Variants in IGF2R observed in about 807,000 individuals in gnomAD.
IGF2R encodes the protein insulin like growth factor 2 receptor, also known as cation-independent mannose-6-phosphate receptor.
In IGF2R, 91 loss-of-function variants were observed where a neutral mutation model predicts 270.6. That is an observed-to-expected ratio of 0.34 (90% CI 0.28 to 0.40). The LOEUF is 0.40. Ranked by LOEUF, IGF2R falls within the 10% of genes least tolerant of loss-of-function variation. The pLI, the probability that IGF2R is intolerant of heterozygous loss-of-function variation, is 1.00. For missense variants in IGF2R, 2,805 were observed against 3,188.3 expected (o/e 0.88, Z 2.90); for synonymous variants, 1,316 against 1,258.9 (o/e 1.05, Z -0.96).
In IGF2R at chr6:160,109,111, A is replaced by G. The variant is rs1207613888; in HGVS notation, c.*4027A>G. ...ACAAATTGAATAAAAAGTAATTGAT[A>G]ATGTTGTTTTGATGCTCAGTGTTTG... On this transcript the variant is annotated 3_prime_UTR_variant, in exon 48 of 48. Transcript: ENST00000356956. 1.3e-5 allele frequency: 2 copies of G among 152,330 alleles called. No individual in the cohort carries two copies. Among genetic ancestry groups the G allele is most frequent in the East Asian group, 3.9e-4 (2 of 5,188 alleles). The allele number at this position is 152,330 out of a possible 1,614,324, so 9.4% of individuals were successfully genotyped here. A position where few individuals can be genotyped will look rare whatever the true frequency, so the allele number is the denominator to read the frequency against.
intron 41 of IGF2R, among the ~76,000 whole-genome samples, 157 bp from the exon 42 acceptor site, chr6:160,087,876 A>G (rs1032183064): frequency 3.9e-4 from 60 of 152,244 alleles, no homozygotes; most frequent in African/African-American, 1.2e-3. Context: ...GGGTTTCACC[A>G]TGTTGGTCAG....
At position 160,058,926 on chromosome 6, in the gene IGF2R, G is replaced by C. The variant is rs1778370163; in HGVS notation, c.2919G>C (p.Met973Ile). ...TGCAGTTTAATGTCTGCGGCACAAT[G>C]CCTGTCTGTGGGACCATCCTGGGAA... ...KIFMFNVCGTMPVCGTILGKP... is the reference protein window; with the variant it reads ...KIFMFNVCGTIPVCGTILGKP... Residue 973 changes from methionine (M) to isoleucine (I), a missense_variant, in exon 22 of 48, where the codon ATG (methionine) becomes ATC (isoleucine). Physicochemically the swap from Met to Ile is conservative, Grantham distance 10 (BLOSUM62 1). Coordinates refer to ENST00000356956, the MANE Select transcript of IGF2R (RefSeq NM_000876.4). 6.2e-7 allele frequency: 1 copy of C among 1,614,166 alleles called. No individual in the cohort carries two copies. The highest frequency in any genetic ancestry group is 1.3e-5 in the African/African-American group (1 of 75,048).
At position 160,047,272 on chromosome 6, in the gene IGF2R, C is replaced by G. The variant is rs140582388; in HGVS notation, c.2165C>G (p.Pro722Arg). 6.2e-7 allele frequency: 1 copy of G among 1,613,090 alleles called. No individual in the cohort carries two copies. Residue 722 changes from proline to arginine, a missense_variant, in exon 16 of 48, where the codon CCG (proline) becomes CGG (arginine). Coordinates refer to ENST00000356956, the MANE Select transcript of IGF2R (RefSeq NM_000876.4). ...GTPYNNERHTPRATLITFLCD... is the reference protein window; with the variant it reads ...GTPYNNERHTRRATLITFLCD... ...CCCTATAACAATGAAAGACACACAC[C>G]GAGAGCTACGCTCATCACCTTTCTC...
rs8191819 is a variant in IGF2R at position 160,050,524 on chromosome 6, G to A, written c.2566G>A (p.Gly856Ser). 345 of 1,614,052 alleles carry A rather than the reference G, an allele frequency of 2.1e-4. 3 individuals carry two copies. In the Admixed American group the frequency reaches 4.8e-3, roughly 22 times the overall value. Residue 856 changes from glycine to serine, a missense_variant, in exon 19 of 48, where the codon GGC becomes AGC. By Grantham distance (56) the Gly-to-Ser change is moderately conservative. Transcript: ENST00000356956. The surrounding 1 kb of genome is among the most constrained non-coding windows in gnomAD (Gnocchi z 4.0). ...CAGTAACTTGGGAATGGCAAAGACC[G>A]GCCCGGTGGTTGAGGACAGCGGCAG... ...SISNLGMAKT[G>S]PVVEDSGSLL...
chr6:159,999,175 A>G (rs1377072240), intron 2 of IGF2R, among the ~76,000 whole-genome samples: 2 of 152,228 alleles, frequency 1.3e-5, no homozygotes, highest in African/African-American at 4.8e-5. Context: ...AGACCCAGGG[A>G]TCATACACCA....
At chr6:160,054,939 C>T (rs1246845097) in intron 19 of IGF2R, among the ~76,000 whole-genome samples, 4 of 152,056 alleles carry the variant, frequency 2.6e-5, no homozygotes, top group African/African-American at 4.8e-5. Context: ...GCCCAGTGGA[C>T]GCTGCGTCAC....
At chr6:160,018,446 A>G (rs1583262631) in intron 4 of IGF2R, among the ~76,000 whole-genome samples, 1 of 152,290 alleles carries the variant, frequency 6.6e-6, no homozygotes, top group South Asian at 2.1e-4. Flanking sequence ...AACACGGCAC[A>G]TAAATTGGAT....
rs1430764889 is a variant in IGF2R, at chr6:160,084,201, TC to T, written c.6068+19del. 2.7e-6 allele frequency: 4 copies of T among 1,494,198 alleles called. No homozygotes were observed. Among genetic ancestry groups the T allele is most frequent in the Non-Finnish European group, 2.8e-6 (3 of 1,070,970 alleles). The allele number at this position is 1,494,198 out of a possible 1,614,324, so 92.6% of individuals were successfully genotyped here. On this transcript the variant is annotated intron_variant, in intron 40 of 47. Coordinates refer to ENST00000356956, the MANE Select transcript of IGF2R (RefSeq NM_000876.4). This position sits in a 1 kb window ranked among gnomAD's most constrained non-coding sequence, Gnocchi z 4.6. ...CGGAGTCTCGTGAGTGCCTTCCCAG[TC>T]CACCCGCGGCGCCACACCCTCAGCA...
At position 160,033,015 on chromosome 6, in the gene IGF2R, C is replaced by A; in HGVS notation, c.1119C>A (p.Phe373Leu). The A allele has an allele frequency of 6.2e-7, 1 of 1,607,582 alleles. No homozygotes were observed. The highest frequency in any genetic ancestry group is 8.5e-7 in the Non-Finnish European group (1 of 1,174,062). The part of the protein sequence containing the change: ...LNVCGETEIQ[F>L]CNKKQAAVCQ... ...TCTGTGGAGAAACTGAAATACAGTT[C>A]TGTAATAAAAAACAAGCTGCAGTTT... Residue 373 changes from phenylalanine (F) to leucine (L), a missense_variant, in exon 9 of 48, where the codon TTC becomes TTA. Physicochemically the swap from Phe to Leu is conservative, Grantham distance 22. Around this residue, in one of 2 missense-constraint regions of IGF2R, gnomAD observed 954 missense variants for 981.1 expected, o/e 0.97. Coordinates refer to ENST00000356956, the MANE Select transcript of IGF2R (RefSeq NM_000876.4).
At position 160,050,288 on chromosome 6, in the gene IGF2R, AGTT is replaced by A. The variant is rs1241781910; in HGVS notation, c.2515-178_2515-176del. On this transcript the variant is annotated intron_variant, in intron 18 of 47. Transcript: ENST00000356956. This position sits in a 1 kb window ranked among gnomAD's most constrained non-coding sequence, Gnocchi z 4.0. The stretch of plus-strand genomic sequence containing the variant: ...ATTGCATGCCTGGAACGCAGCATGC[AGTT>A]GTTGTTAACTCTTTGAGGATGGTTT... Among the ~76,000 whole-genome samples the A allele has an allele frequency of 1.3e-5, 2 of 152,234 alleles. No individual in the cohort carries two copies. Among genetic ancestry groups the A allele is most frequent in the African/African-American group, 2.4e-5 (1 of 41,460 alleles).
chr6:160,031,972 G>A (rs971640515), intron 7 of IGF2R, among the ~76,000 whole-genome samples: 1 of 152,174 alleles, frequency 6.6e-6, no homozygotes, highest in Non-Finnish European at 1.5e-5. Flanking sequence ...CAACACAATG[G>A]CAGAATCGGG....
intron 13 of IGF2R, among the ~76,000 whole-genome samples, chr6:160,045,407 A>G (rs1778046032): frequency 6.6e-6 from 1 of 152,130 alleles, no homozygotes; most frequent in South Asian, 2.1e-4. Flanking sequence ...GTACCATCCT[A>G]ACTGCTTTTA....
At chr6:160,098,514 A>G (rs1779414399) in intron 45 of IGF2R, among the ~76,000 whole-genome samples, 1 of 152,122 alleles carries the variant, frequency 6.6e-6, no homozygotes, top group African/African-American at 2.4e-5. Context: ...TCAGTGTTGT[A>G]CATTGTAGAA....
At chr6:160,104,079 T>TA (rs201023565) in intron 47 of IGF2R, among the ~76,000 whole-genome samples, 101 of 148,206 alleles carry the variant, frequency 6.8e-4, no homozygotes, top group South Asian at 3.0e-3. Flanking sequence ...GGCTGTTCTT[T>TA]AAAAAAAAAA....
intron 12 of IGF2R, 25 bp from the exon 13 acceptor site, chr6:160,044,489 T>C: frequency 6.4e-7 from 1 of 1,565,568 alleles, no homozygotes; most frequent in Non-Finnish European, 8.7e-7. Context: ...CCACATCTTC[T>C]GTTTTCTCCC....
chr6:160,022,447 CAGTG>C (rs1156714006), intron 4 of IGF2R, among the ~76,000 whole-genome samples: 1 of 152,182 alleles, frequency 6.6e-6, no homozygotes, highest in Non-Finnish European at 1.5e-5. Context: ...CCAACTCTAA[CAGTG>C]GGGTTTCTTG....
intron 29 of IGF2R, among the ~76,000 whole-genome samples, chr6:160,065,949 C>T (rs1486757863): frequency 6.7e-6 from 1 of 148,800 alleles, no homozygotes; most frequent in Non-Finnish European, 1.5e-5. Flanking sequence ...AGCAATTCTC[C>T]TGTCTCAGCA....
chr6:160,016,094 A>T (rs1256134755), intron 4 of IGF2R, among the ~76,000 whole-genome samples: 1 of 152,216 alleles, frequency 6.6e-6, no homozygotes, highest in South Asian at 2.1e-4. Flanking sequence ...AACCTAATAC[A>T]GACTGCTTGG....
Position 160,104,688 on chromosome 6 carries a change from A to G in IGF2R, c.7080A>G (p.Glu2360=), listed in dbSNP as rs748615940. The change falls in exon 48 of 48, where the codon GAA becomes GAG. Residue 2360 remains glutamate, a synonymous_variant. Transcript: ENST00000356956. ...ATCCCTGGCAGGTGAATAAGGAAGA[A>G]GAGACAGATGAGAATGAAACAGAGT... is the stretch of plus-strand genomic sequence containing the variant. ...SYKYSKVNKE[E]ETDENETEWL... The G allele has an allele frequency of 6.2e-7, 1 of 1,613,268 alleles. No homozygotes were observed. Among genetic ancestry groups the G allele is most frequent in the South Asian group, 1.1e-5 (1 of 90,968 alleles).
Sources: allele counts gnomAD v4.1 joint callset (sites outside exome capture counted in the v4.1 genomes callset), GRCh38; gene constraint gnomAD v4.1.1; regional missense constraint gnomAD v4.1.1; non-coding constraint Gnocchi (gnomAD v3.1); transcripts MANE v1.5; gene names NCBI Gene and HGNC (gene_info 2026-07-23, HGNC 2026-07-21).